The following AFF1 variants were observed in gnomAD, a reference collection of about 807,000 sequenced individuals.
The protein encoded by AFF1 is ALF transcription elongation factor 1, also known as AF4/FMR2 family member 1.
Under a neutral mutation model 121.7 loss-of-function variants are expected in AFF1, and 48 were observed. The observed-to-expected ratio is 0.39, with a 90% CI of 0.31 to 0.50. The LOEUF (loss-of-function observed/expected upper bound fraction) is 0.50, where lower values mean the gene tolerates loss of function less well. Among genes scored for constraint, AFF1 ranks in the 20% least tolerant of loss-of-function variants. The probability of loss-of-function intolerance (pLI) is 0.76; values close to 1 mark genes in which losing one functional copy is unlikely to be tolerated. For synonymous variants in AFF1, 613 were observed against 563.0 expected (o/e 1.09, Z -1.26); for missense variants, 1,523 against 1,511.7 (o/e 1.01, Z -0.12).
chr4:87,038,960 C>T (rs1327964696), intron 2 of AFF1, among the ~76,000 whole-genome samples: 1 of 152,136 alleles, frequency 6.6e-6, no homozygotes, highest in Non-Finnish European at 1.5e-5. Flanking sequence ...AATGGGTAGT[C>T]AGCTGTGCAC....
At chr4:86,954,694 A>T (rs750757939) in intron 2 of AFF1, among the ~76,000 whole-genome samples, 5 of 152,142 alleles carry the variant, frequency 3.3e-5, no homozygotes, top group Non-Finnish European at 7.4e-5. Context: ...GCACCACTGC[A>T]CTCCAGCCTG....
At chr4:87,077,868 G>A (rs1722828055) in intron 4 of AFF1, among the ~76,000 whole-genome samples, 1 of 152,158 alleles carries the variant, frequency 6.6e-6, no homozygotes, top group African/African-American at 2.4e-5. Flanking sequence ...ATGTACCATA[G>A]TTTTCATAGT....
chr4:87,022,543 GATATATATATATATATATATATATATAT>G (rs1156817444), intron 2 of AFF1, among the ~76,000 whole-genome samples: 9 of 80,172 alleles, frequency 1.1e-4, no homozygotes, highest in East Asian at 1.0e-3. Flanking sequence ...CGTGCTTACA[GATATATATATATATATATATATATATAT>G]ATATATATAT....
intron 2 of AFF1, among the ~76,000 whole-genome samples, chr4:86,959,842 TTTC>T (rs1423215333): frequency 6.6e-6 from 1 of 152,160 alleles, no homozygotes; most frequent in Non-Finnish European, 1.5e-5. Flanking sequence ...CTGGGAACCT[TTTC>T]TTGAGCGATG....
chr4:86,999,884 T>G (rs1040343777), intron 2 of AFF1, among the ~76,000 whole-genome samples: 2 of 152,036 alleles, frequency 1.3e-5, no homozygotes, highest in Non-Finnish European at 2.9e-5. Flanking sequence ...GAAACCAATG[T>G]ATTGGGAGAA....
chr4:86,943,044 A>G (rs1720581338), intron 1 of AFF1, among the ~76,000 whole-genome samples: 2 of 152,236 alleles, frequency 1.3e-5, no homozygotes, highest in Non-Finnish European at 2.9e-5. Context: ...GCATTGTCAC[A>G]TTAGCTTTGA....
At chr4:87,131,901 G>A in intron 18 of AFF1, 37 bp downstream of exon 18, 1 of 1,474,102 alleles carries the variant, frequency 6.8e-7, no homozygotes, top group Non-Finnish European at 9.1e-7. Flanking sequence ...TACTAAATTT[G>A]TTTTTGCATC....
At chr4:86,964,893 G>A (rs1014733703) in intron 2 of AFF1, among the ~76,000 whole-genome samples, 19 of 151,686 alleles carry the variant, frequency 1.3e-4, no homozygotes, top group African/African-American at 4.1e-4. Context: ...CGTCTGAGTC[G>A]TAAACATCTT....
At chr4:86,937,002 T>C (rs139428794) in intron 1 of AFF1, among the ~76,000 whole-genome samples, 76 of 152,354 alleles carry the variant, frequency 5.0e-4, no homozygotes, top group Non-Finnish European at 7.3e-4. Flanking sequence ...AAATAGAGAT[T>C]GAAGAGTGGG....
intron 2 of AFF1, among the ~76,000 whole-genome samples, chr4:87,002,560 T>C (rs1380712692): frequency 2.7e-5 from 4 of 148,576 alleles, no homozygotes; most frequent in Non-Finnish European, 1.5e-5. Flanking sequence ...GCCTCCTGAA[T>C]AGCTGGGACT....
intron 13 of AFF1, 192 bp downstream of exon 13, chr4:87,125,335 C>T (rs2149789954): frequency 2.5e-6 from 1 of 392,716 alleles, no homozygotes; most frequent in East Asian, 3.8e-5. Flanking sequence ...ATTCATGTGG[C>T]AGCAAATTTA....
At chr4:87,027,863 G>C (rs966271966) in intron 2 of AFF1, among the ~76,000 whole-genome samples, 1 of 138,790 alleles carries the variant, frequency 7.2e-6, no homozygotes, top group Non-Finnish European at 1.5e-5. Flanking sequence ...TCAATGCAGT[G>C]GCCCATTGCA....
intron 2 of AFF1, among the ~76,000 whole-genome samples, chr4:86,953,269 CA>C (rs1578838561): frequency 6.6e-6 from 1 of 152,046 alleles, no homozygotes; most frequent in East Asian, 1.9e-4. Flanking sequence ...TAATACACAC[CA>C]GTAGCTCACT....
At chr4:87,082,453 C>G (rs902496781) in intron 4 of AFF1, among the ~76,000 whole-genome samples, 1 of 152,102 alleles carries the variant, frequency 6.6e-6, no homozygotes, top group African/African-American at 2.4e-5. Flanking sequence ...ACCCTTGATT[C>G]TCTTTGGTTA....
At chr4:87,052,897 CTT>C (rs1213371173) in intron 4 of AFF1, among the ~76,000 whole-genome samples, 2 of 151,854 alleles carry the variant, frequency 1.3e-5, no homozygotes, top group African/African-American at 4.8e-5. Context: ...GGCTGGTAGA[CTT>C]TTTATTTGAA....
intron 2 of AFF1, among the ~76,000 whole-genome samples, chr4:87,028,613 G>A (rs1728764523): frequency 6.6e-6 from 1 of 152,100 alleles, no homozygotes; most frequent in African/African-American, 2.4e-5. Context: ...TCAGACCAAA[G>A]CTCTTGGATT....
chr4:87,013,791 A>G (rs1270814269), intron 2 of AFF1, among the ~76,000 whole-genome samples: 1 of 151,918 alleles, frequency 6.6e-6, no homozygotes, highest in South Asian at 2.1e-4. Flanking sequence ...TTGATTAGAC[A>G]CAAAAATCAC....
intron 2 of AFF1, among the ~76,000 whole-genome samples, chr4:87,019,449 G>A (rs2149554120): frequency 6.6e-6 from 1 of 152,334 alleles, no homozygotes. Flanking sequence ...TCTGGAGGAA[G>A]GAATGCTGTA....
intron 2 of AFF1, among the ~76,000 whole-genome samples, chr4:86,977,893 C>A (rs1243341537): frequency 6.6e-6 from 1 of 152,148 alleles, no homozygotes; most frequent in Non-Finnish European, 1.5e-5. Context: ...CTTTGTTTCA[C>A]ACACCAAGTA....
Sources: allele counts gnomAD v4.1 joint callset (sites outside exome capture counted in the v4.1 genomes callset), GRCh38; gene constraint gnomAD v4.1.1; transcripts MANE v1.5; gene names NCBI Gene and HGNC (gene_info 2026-07-23, HGNC 2026-07-21).